CLPP: variants seen among roughly 807,000 people sequenced by gnomAD.
The protein encoded by CLPP is caseinolytic mitochondrial matrix peptidase proteolytic subunit.
CLPP carries 14 observed loss-of-function variants against 27.4 expected under a neutral mutation model. The observed-to-expected ratio is 0.51, with a 90% CI of 0.34 to 0.80. The LOEUF (loss-of-function observed/expected upper bound fraction) is 0.80, where lower values mean the gene tolerates loss of function less well. Ranked by LOEUF, CLPP falls within the 30% of genes least tolerant of loss-of-function variation. The pLI is 0.02. For missense variants in CLPP, 361 were observed against 403.6 expected, an observed-to-expected ratio of 0.89 and a Z score of 0.90; for synonymous variants, 193 against 166.6, an observed-to-expected ratio of 1.16 and a Z score of -1.22.
intron 5 of CLPP, among the ~76,000 whole-genome samples, chr19:6,367,405 C>T (rs558208005): frequency 1.1e-4 from 16 of 149,746 alleles, no homozygotes; most frequent in Admixed American, 2.0e-4. Flanking sequence ...AGTGAATGTT[C>T]CACAGCATCA....
chr19:6,369,482 T>C lies in CLPP; in HGVS notation c.*772T>C, dbSNP rs1033869949. On this transcript the variant is annotated 3_prime_UTR_variant, in exon 6 of 6. Coordinates refer to ENST00000245816, the MANE Select transcript of CLPP (RefSeq NM_006012.4). ...GTGAGGGTAAGCGTGTTACAGTTTT[T>C]TATGGGGTAATCAGGGAAGCCCTCA... Among the ~76,000 whole-genome samples the C allele has an allele frequency of 6.6e-6, 1 of 151,026 alleles. No individual in the cohort carries two copies. Among genetic ancestry groups the C allele is most frequent in the African/African-American group, 2.4e-5 (1 of 41,088 alleles).
intron 4 of CLPP, 80 bp downstream of exon 4, chr19:6,364,719 G>A (rs940778280): frequency 5.2e-6 from 7 of 1,336,810 alleles, no homozygotes; most frequent in African/African-American, 4.5e-5. Context: ...GAAGTCAAGC[G>A]TGGGAGGGGA....
intron 2 of CLPP, 110 bp from the exon 3 acceptor site, chr19:6,362,336 T>C: frequency 1.4e-6 from 1 of 733,528 alleles, no homozygotes; most frequent in Non-Finnish European, 2.4e-6. Context: ...CCCATCCCTT[T>C]TACTTTGGGC....
rs750189341 is a variant in CLPP, at chr19:6,364,540, C to T, written c.456C>T (p.Ala152=). 3.1e-6 allele frequency: 5 copies of T among 1,612,928 alleles called. No individual in the cohort carries two copies. The highest frequency in any genetic ancestry group is 2.2e-5 in the East Asian group (1 of 44,858). The stretch of plus-strand genomic sequence containing the variant: ...GCACCTGGTGCGTGGGCCAGGCCGC[C>T]AGCATGGGCTCCCTGCTTCTCGCCG... ...PICTWCVGQA[A]SMGSLLLAAG... is the part of the protein sequence containing the mutation. Residue 152 remains alanine, a synonymous_variant, in exon 4 of 6, where the codon GCC becomes GCT. Coordinates refer to ENST00000245816, the MANE Select transcript of CLPP (RefSeq NM_006012.4).
rs933369267 is a variant in CLPP at position 6,368,803 on chromosome 19, A to AG, written c.*97dup. 1.2e-4 allele frequency: 154 copies of AG among 1,249,658 alleles called. No homozygotes were observed. The highest frequency in any genetic ancestry group is 5.5e-4 in the Middle Eastern group (2 of 3,616). The allele number at this position is 1,249,658 out of a possible 1,614,324, so 77.4% of individuals were successfully genotyped here. A position where few individuals can be genotyped will look rare whatever the true frequency, so the allele number is the denominator to read the frequency against. ...GCTCACCCCTTGTTGCTGGGCTTGG[A>AG]GGGGCCTCTTGAGGAACTTTTAATT... On this transcript the variant is annotated 3_prime_UTR_variant, in exon 6 of 6. Transcript: ENST00000245816.
Position 6,364,499 on chromosome 19 carries a change from A to C in CLPP, c.415A>C (p.Ile139Leu). The C allele has an allele frequency of 6.2e-7, 1 of 1,612,170 alleles. No homozygotes were observed. Among genetic ancestry groups the C allele is most frequent in the African/African-American group, 1.3e-5 (1 of 74,982 alleles). The change falls in exon 4 of 6, where the codon ATC becomes CTC. Residue 139 changes from isoleucine (I) to leucine (L), a missense_variant. Transcript: ENST00000245816. ...GLAIYDTMQY[I>L]LNPICTWCVG... ...GGCCATCTACGACACGATGCAGTAC[A>C]TCCTCAACCCGATCTGCACCTGGTG...
At position 6,364,526 on chromosome 19, in the gene CLPP, G is replaced by T; in HGVS notation, c.442G>T (p.Val148Leu). ...YILNPICTWC[V>L]GQAASMGSLL... ...CCTCAACCCGATCTGCACCTGGTGC[G>T]TGGGCCAGGCCGCCAGCATGGGCTC... The change falls in exon 4 of 6, where the codon GTG becomes TTG. Residue 148 changes from valine to leucine, a missense_variant. Around this residue, in one of 2 missense-constraint regions of CLPP, gnomAD observed 213 missense variants for 280.9 expected, o/e 0.76. Transcript: ENST00000245816. 1.2e-6 allele frequency: 2 copies of T among 1,612,424 alleles called. No homozygotes were observed. Among genetic ancestry groups the T allele is most frequent in the South Asian group, 1.1e-5 (1 of 90,994 alleles).
Position 6,361,595 on chromosome 19 carries a change from A to T in CLPP, c.21A>T (p.Val7=). MWPGIL[V]GGARVASCRY... ...GAGGGATGTGGCCCGGAATATTGGTAGGGGGGGCCCGGGTGGCGTCATGCA... is the reference window on the plus strand; with the variant it reads ...GAGGGATGTGGCCCGGAATATTGGTTGGGGGGGCCCGGGTGGCGTCATGCA... The change falls in exon 1 of 6, where the codon GTA becomes GTT. Residue 7 remains valine, a synonymous_variant. Transcript: ENST00000245816. The T allele has an allele frequency of 7.1e-7, 1 of 1,412,484 alleles. No homozygotes were observed. The highest frequency in any genetic ancestry group is 1.6e-5 in the South Asian group (1 of 61,894). The allele number at this position is 1,412,484 out of a possible 1,614,324, so 87.5% of individuals were successfully genotyped here. A position where few individuals can be genotyped will look rare whatever the true frequency, so the allele number is the denominator to read the frequency against.
chr19:6,364,422 C>G lies in CLPP; in HGVS notation c.368-30C>G, dbSNP rs773455564. ...AGGGAAAGGGTCGGGGGGAGCTGGT[C>G]CAGCCCCTCACTTGCTCCCCCGCCC... On this transcript the variant is annotated intron_variant, in intron 3 of 5. Transcript: ENST00000245816. 10 of 1,584,698 alleles carry G rather than the reference C, an allele frequency of 6.3e-6. No homozygotes were observed. In the South Asian group the frequency reaches 1.0e-4, roughly 16 times the overall value.
chr19:6,362,042 G>A (rs1162845840), intron 2 of CLPP, 102 bp downstream of exon 2: 26 of 1,135,044 alleles, frequency 2.3e-5, no homozygotes, highest in Admixed American at 6.3e-5. Context: ...CTCAGGCTCC[G>A]CTCCCCTTCT....
At chr19:6,366,454 C>A in intron 5 of CLPP, 91 bp downstream of exon 5, 1 of 948,068 alleles carries the variant, frequency 1.1e-6, no homozygotes, top group Non-Finnish European at 1.6e-6. Context: ...CCCCTGCGGA[C>A]TTTCAGGGCT....
At chr19:6,366,112 C>A in intron 4 of CLPP, 146 bp from the exon 5 acceptor site, 2 of 607,296 alleles carry the variant, frequency 3.3e-6, no homozygotes, top group Non-Finnish European at 6.0e-6. Context: ...AGCAGGATAT[C>A]GGGGGATTTA....
chr19:6,361,816 G>T, intron 1 of CLPP, 44 bp downstream of exon 1: 1 of 1,539,738 alleles, frequency 6.5e-7, no homozygotes, highest in South Asian at 1.1e-5. Flanking sequence ...CTCCGGGCTG[G>T]GTGGGGATCG....
At position 6,361,767 on chromosome 19, in the gene CLPP, C is replaced by A; in HGVS notation, c.193C>A (p.Gln65Lys). Reference protein sequence around the residue: ...ALPLIPIVVEQTGRGERAYDI... With the variant: ...ALPLIPIVVEKTGRGERAYDI... ...CCCGCTCATTCCCATCGTGGTGGAG[C>A]AGACGGTACGGCGGCCGGGCGGGGA... The change falls in exon 1 of 6, where the codon CAG (glutamine) becomes AAG (lysine). Residue 65 changes from glutamine (Q) to lysine (K), a missense_variant. Gln to Lys is a moderately conservative substitution (Grantham distance 53). This residue lies in a region of CLPP where 148 missense variants were observed against 122.6 expected (regional missense o/e 1.21). Coordinates refer to ENST00000245816, the MANE Select transcript of CLPP (RefSeq NM_006012.4). 6.5e-7 allele frequency: 1 copy of A among 1,545,804 alleles called. No individual in the cohort carries two copies. Among genetic ancestry groups the A allele is most frequent in the Non-Finnish European group, 8.7e-7 (1 of 1,152,924 alleles).
At position 6,362,440 on chromosome 19, in the gene CLPP, C is replaced by A; in HGVS notation, c.271-6C>A. 6.2e-7 allele frequency: 1 copy of A among 1,611,244 alleles called. No homozygotes were observed. The highest frequency in any genetic ancestry group is 1.3e-5 in the African/African-American group (1 of 74,986). On this transcript the variant is annotated splice_polypyrimidine_tract_variant and splice_region_variant and intron_variant, in intron 2 of 5. Transcript: ENST00000245816. The stretch of plus-strand genomic sequence containing the variant: ...CTGGGGACACCCCTGCCCTCTCCAC[C>A]TGCAGATCGATGACAGCGTTGCCAG...
At chr19:6,362,769 C>G (rs1461975069) in intron 3 of CLPP, among the ~76,000 whole-genome samples, 2 of 152,138 alleles carry the variant, frequency 1.3e-5, no homozygotes, top group Non-Finnish European at 2.9e-5. Context: ...GTTCTGCCAA[C>G]CTGACCCGGC....
At position 6,368,938 on chromosome 19, in the gene CLPP, G is replaced by GACAGC; in HGVS notation, c.*229_*233dup. On this transcript the variant is annotated 3_prime_UTR_variant, in exon 6 of 6. Transcript: ENST00000245816. Reference sequence around the variant, plus strand: ...TGGGACACCCTCCCTTCTGCACCATGACAGCGTGTACACATCTGTGTTTCA... The same window carrying GACAGC: ...TGGGACACCCTCCCTTCTGCACCATGACAGCACAGCGTGTACACATCTGTGTTTCA... 1.8e-6 allele frequency: 1 copy of GACAGC among 567,320 alleles called. No individual in the cohort carries two copies. Among genetic ancestry groups the GACAGC allele is most frequent in the Non-Finnish European group, 3.2e-6 (1 of 317,322 alleles). 35.1% of individuals were successfully genotyped at this position (567,320 alleles called of 1,614,324 possible). A position where few individuals can be genotyped will look rare whatever the true frequency, so the allele number is the denominator to read the frequency against.
intron 3 of CLPP, among the ~76,000 whole-genome samples, chr19:6,362,839 A>G (rs1164518219): frequency 6.6e-6 from 1 of 152,022 alleles, no homozygotes; most frequent in Non-Finnish European, 1.5e-5. Context: ...GGTAATCCCA[A>G]CACTTTGGGA....
At chr19:6,362,106 G>A in intron 2 of CLPP, 166 bp downstream of exon 2, 1 of 466,692 alleles carries the variant, frequency 2.1e-6, no homozygotes, top group Non-Finnish European at 3.5e-6. Flanking sequence ...CCCCCAACCC[G>A]CTCCTCACCC....
Sources: gnomAD v4.1 joint callset for allele counts (sites outside exome capture counted in the v4.1 genomes callset) on GRCh38, gnomAD v4.1.1 for gene constraint, gnomAD v4.1.1 regional missense constraint, MANE v1.5 for transcripts, NCBI Gene and HGNC (gene_info 2026-07-23, HGNC 2026-07-21) for gene names.